CASTOR2: variants seen among roughly 807,000 people sequenced by gnomAD.
CASTOR2 encodes the protein cytosolic arginine sensor for mTORC1 subunit 2, also known as GATS protein like 2.
CASTOR2 carries 8 observed loss-of-function variants against 31.2 expected under a neutral mutation model. The ratio of observed to expected loss-of-function variants is 0.26; its 90% CI spans 0.15 to 0.46. CASTOR2 has a LOEUF of 0.46. Among genes scored for constraint, CASTOR2 ranks in the 20% least tolerant of loss-of-function variants. CASTOR2 has a pLI of 0.99. For synonymous variants in CASTOR2, 162 were observed against 158.7 expected (o/e 1.02, Z -0.16); for missense variants, 216 against 382.1 (o/e 0.57, Z 3.62).
intron 1 of CASTOR2, among the ~76,000 whole-genome samples, chr7:74,975,684 T>C (rs1584457971): frequency 4.9e-4 from 45 of 92,758 alleles, no homozygotes; most frequent in South Asian, 7.2e-4. Flanking sequence ...AGAGCCAGAC[T>C]CCATGTCAAA....
At chr7:75,011,062 G>A (rs1312073463) in intron 2 of CASTOR2, among the ~76,000 whole-genome samples, 5 of 151,964 alleles carry the variant, frequency 3.3e-5, no homozygotes, top group African/African-American at 9.7e-5. Flanking sequence ...GTTTCACCAT[G>A]TTGGCCAGGC....
Position 74,979,000 on chromosome 7 carries a change from C to T in CASTOR2, c.113+13902C>T, listed in dbSNP as rs1374578098. On this transcript the variant is annotated intron_variant, in intron 1 of 8. Coordinates refer to ENST00000616305, the MANE Select transcript of CASTOR2 (RefSeq NM_001145064.3). ...TGGGCAACATGGTGAAACCTCATCT[C>T]TACAAAATATACAAAATGTAGCTGG... Among the ~76,000 whole-genome samples, 11 of 150,384 alleles carry T rather than the reference C, an allele frequency of 7.3e-5. 2 individuals carry two copies. Among genetic ancestry groups the T allele is most frequent in the African/African-American group, 2.7e-4 (11 of 40,968 alleles).
At chr7:75,007,671 C>T (rs1432503527) in intron 1 of CASTOR2, among the ~76,000 whole-genome samples, 53 of 152,204 alleles carry the variant, frequency 3.5e-4, no homozygotes, top group Middle Eastern at 3.4e-3. Flanking sequence ...CTGGAGCCAC[C>T]CTTCGGCCAC....
At chr7:75,016,458 C>T (rs1563063416) in intron 2 of CASTOR2, among the ~76,000 whole-genome samples, 1 of 152,186 alleles carries the variant, frequency 6.6e-6, no homozygotes, top group African/African-American at 2.4e-5. Flanking sequence ...GTCACTGCCC[C>T]CCATGATGCA....
chr7:75,028,224 G>T lies in CASTOR2; in HGVS notation c.*3525G>T. 1.3e-6 allele frequency: 1 copy of T among 756,814 alleles called. No individual in the cohort carries two copies. Among genetic ancestry groups the T allele is most frequent in the Non-Finnish European group, 2.1e-6 (1 of 485,816 alleles). 46.9% of individuals were successfully genotyped at this position (756,814 alleles called of 1,614,324 possible). On this transcript the variant is annotated 3_prime_UTR_variant, in exon 9 of 9. Transcript: ENST00000616305. ...CAACCTCCACTTCCTGGGTTCAAGC[G>T]AGTCTCCTACATTGGCCTCCCAAGT...
rs1364848956 is a variant in CASTOR2, at chr7:74,993,756, C to T, written c.114-14238C>T. 2.0e-5 allele frequency among the ~76,000 whole-genome samples: 3 copies of T among 151,322 alleles called. No homozygotes were observed. In the East Asian group the frequency reaches 5.8e-4, roughly 29 times the overall value. Reference sequence around the variant, plus strand: ...GTGAGCCACCGTGCCTGGCACCCCCCTTTCTTATTTGCTGGTGAACTGGTG... The same window carrying T: ...GTGAGCCACCGTGCCTGGCACCCCCTTTTCTTATTTGCTGGTGAACTGGTG... On this transcript the variant is annotated intron_variant, in intron 1 of 8. Transcript: ENST00000616305.
intron 1 of CASTOR2, among the ~76,000 whole-genome samples, chr7:74,994,149 GACTCAGCT>G (rs1215941278): frequency 6.6e-6 from 1 of 152,260 alleles, no homozygotes; most frequent in East Asian, 1.9e-4. Context: ...TCTCAGAGAT[GACTCAGCT>G]ACTCAGCTTC....
Position 75,029,949 on chromosome 7 carries a change from A to G in CASTOR2, c.*5250A>G, listed in dbSNP as rs1805254058. Among the ~76,000 whole-genome samples the G allele has an allele frequency of 1.3e-5, 2 of 152,196 alleles. No individual in the cohort carries two copies. Among genetic ancestry groups the G allele is most frequent in the South Asian group, 4.1e-4 (2 of 4,828 alleles). On this transcript the variant is annotated 3_prime_UTR_variant, in exon 9 of 9. Coordinates refer to ENST00000616305, the MANE Select transcript of CASTOR2 (RefSeq NM_001145064.3). ...AAGGTGGGAGGATAGCTTGAGGCCA[A>G]GATAGCAAGACCAACCTGGTCAACA... is the stretch of plus-strand genomic sequence containing the variant.
intron 1 of CASTOR2, among the ~76,000 whole-genome samples, chr7:74,999,057 G>T (rs1415765469): frequency 7.2e-5 from 11 of 151,810 alleles, no homozygotes; most frequent in Admixed American, 3.3e-4. Flanking sequence ...GTGCAGTGGC[G>T]CGATCTCAGC....
intron 1 of CASTOR2, among the ~76,000 whole-genome samples, chr7:74,990,145 T>G (rs1370139314): frequency 6.6e-6 from 1 of 151,870 alleles, no homozygotes; most frequent in East Asian, 1.9e-4. Flanking sequence ...TCCCAGCACT[T>G]TGGGAGGCCG....
At position 75,028,092 on chromosome 7, in the gene CASTOR2, G is replaced by A; in HGVS notation, c.*3393G>A. 1 of 1,525,048 alleles carries A rather than the reference G, an allele frequency of 6.6e-7. No individual in the cohort carries two copies. Among genetic ancestry groups the A allele is most frequent in the Non-Finnish European group, 8.7e-7 (1 of 1,143,120 alleles). 94.5% of individuals were successfully genotyped at this position (1,525,048 alleles called of 1,614,324 possible). Reference sequence around the variant, plus strand: ...ATGGGGCAGGTGCCTGGCGGGGGAGGAAGAGGGCTCTCTATGATGTGGAAT... The same window carrying A: ...ATGGGGCAGGTGCCTGGCGGGGGAGAAAGAGGGCTCTCTATGATGTGGAAT... On this transcript the variant is annotated 3_prime_UTR_variant, in exon 9 of 9. Transcript: ENST00000616305.
At chr7:74,983,727 A>G (rs1282258139) in intron 1 of CASTOR2, among the ~76,000 whole-genome samples, 6 of 150,358 alleles carry the variant, frequency 4.0e-5, no homozygotes, top group South Asian at 2.1e-4. Context: ...AAGACACCTT[A>G]TCAAGCGCTC....
At chr7:75,021,378 C>T (rs1364252571) in intron 6 of CASTOR2, among the ~76,000 whole-genome samples, 4 of 152,064 alleles carry the variant, frequency 2.6e-5, no homozygotes, top group African/African-American at 4.8e-5. Context: ...CTGCCAGTCT[C>T]GGCCTCCCAA....
At chr7:75,013,428 T>G (rs1804797137) in intron 2 of CASTOR2, among the ~76,000 whole-genome samples, 1 of 152,032 alleles carries the variant, frequency 6.6e-6, no homozygotes, top group African/African-American at 2.4e-5. Flanking sequence ...GTAGATCGCT[T>G]GAGCCCAGGA....
At position 75,028,340 on chromosome 7, in the gene CASTOR2, T is replaced by TG. The variant is rs1178167344; in HGVS notation, c.*3642dup. Reference sequence around the variant, plus strand: ...TTCACCATGTTGGCCACGCTGGTCTTGAACTCCTGACCTCAAGTGATCCAC... The same window carrying TG: ...TTCACCATGTTGGCCACGCTGGTCTTGGAACTCCTGACCTCAAGTGATCCAC... On this transcript the variant is annotated 3_prime_UTR_variant, in exon 9 of 9. Coordinates refer to ENST00000616305, the MANE Select transcript of CASTOR2 (RefSeq NM_001145064.3). Among the ~76,000 whole-genome samples the TG allele has an allele frequency of 6.6e-6, 1 of 152,156 alleles. No homozygotes were observed. Among genetic ancestry groups the TG allele is most frequent in the Admixed American group, 6.6e-5 (1 of 15,262 alleles).
At position 75,029,573 on chromosome 7, in the gene CASTOR2, A is replaced by C. The variant is rs1488806740; in HGVS notation, c.*4874A>C. On this transcript the variant is annotated 3_prime_UTR_variant, in exon 9 of 9. Coordinates refer to ENST00000616305, the MANE Select transcript of CASTOR2 (RefSeq NM_001145064.3). ...TGGCCAGGCTGTTCTTGAACTCCTG[A>C]CCTCAGGTGATCCGCCCACCTTGGC... 1.3e-5 allele frequency among the ~76,000 whole-genome samples: 2 copies of C among 151,834 alleles called. No homozygotes were observed. Among genetic ancestry groups the C allele is most frequent in the African/African-American group, 4.8e-5 (2 of 41,334 alleles).
Position 74,997,000 on chromosome 7 carries a change from G to A in CASTOR2, c.114-10994G>A, listed in dbSNP as rs1158246245. Reference sequence around the variant, plus strand: ...ACCACCCCCCTCGGCCTCCCAAAGTGCTGGGATTACAGGCATGAGCCACCG... The same window carrying A: ...ACCACCCCCCTCGGCCTCCCAAAGTACTGGGATTACAGGCATGAGCCACCG... On this transcript the variant is annotated intron_variant, in intron 1 of 8. Transcript: ENST00000616305. 1.6e-4 allele frequency among the ~76,000 whole-genome samples: 24 copies of A among 150,960 alleles called. No individual in the cohort carries two copies. The East Asian group carries it at 2.2e-3, about 14-fold the overall frequency.
Position 75,007,294 on chromosome 7 carries a change from G to T in CASTOR2, c.114-700G>T, listed in dbSNP as rs1804627963. On this transcript the variant is annotated intron_variant, in intron 1 of 8. Transcript: ENST00000616305. The stretch of plus-strand genomic sequence containing the variant: ...ACACAGACCTGGGCACCAAAACCAT[G>T]CCCAGGACCGAGGCCAGCAGGGTCA... Among the ~76,000 whole-genome samples, 3 of 152,100 alleles carry T rather than the reference G, an allele frequency of 2.0e-5. No homozygotes were observed. The South Asian group carries it at 6.2e-4, about 32-fold the overall frequency.
chr7:74,994,710 G>T (rs1469122700), intron 1 of CASTOR2, among the ~76,000 whole-genome samples: 1 of 151,310 alleles, frequency 6.6e-6, no homozygotes, highest in Non-Finnish European at 1.5e-5. Context: ...AGATTGTGTC[G>T]CTGCACTCCA....
Sources: gnomAD v4.1 joint callset for allele counts (sites outside exome capture counted in the v4.1 genomes callset) on GRCh38, gnomAD v4.1.1 for gene constraint, MANE v1.5 for transcripts, NCBI Gene and HGNC (gene_info 2026-07-23, HGNC 2026-07-21) for gene names.